FRMPD4: variants seen among roughly 807,000 people sequenced by gnomAD.
The protein encoded by FRMPD4 is FERM and PDZ domain containing 4.
In FRMPD4, 22 loss-of-function variants were observed where a neutral mutation model predicts 94.1. The observed-to-expected ratio is 0.23, with a 90% CI of 0.17 to 0.33. The LOEUF (loss-of-function observed/expected upper bound fraction) is 0.33. FRMPD4 is among the 10% of genes least tolerant of loss of function. The probability of loss-of-function intolerance (pLI) is 1.00; values close to 1 mark genes in which losing one functional copy is unlikely to be tolerated. For synonymous variants in FRMPD4, 631 were observed against 548.6 expected (o/e 1.15, Z -2.10); for missense variants, 1,111 against 1,339.9 (o/e 0.83, Z 2.67).
chrX:12,144,257 A>G (rs997156700), intron 1 of FRMPD4, among the ~76,000 whole-genome samples: 2 of 112,230 alleles, frequency 1.8e-5, no homozygotes, highest in Non-Finnish European at 3.8e-5. Flanking sequence ...TAACTTTCCT[A>G]TGATTTGACT....
chrX:12,118,346 C>T (rs1195672897), intron 3 of FRMPD4, among the ~76,000 whole-genome samples: 2 of 110,533 alleles, frequency 1.8e-5, no homozygotes, highest in African/African-American at 6.6e-5. Context: ...TTTAAAAGTG[C>T]CTAGAAGTAT....
chrX:11,987,097 T>TGAAAAAAAAAA (rs1569137639), intron 3 of FRMPD4, among the ~76,000 whole-genome samples: 3 of 14,642 alleles, frequency 2.0e-4, no homozygotes, highest in Non-Finnish European at 3.2e-4. Context: ...CAAAGACACA[T>TGAAAAAAAAAA]TAAAAAAAAA....
At chrX:12,362,999 G>A (rs1371007934) in intron 1 of FRMPD4, among the ~76,000 whole-genome samples, 1 of 112,454 alleles carries the variant, frequency 8.9e-6, no homozygotes, top group Non-Finnish European at 1.9e-5. Flanking sequence ...CTGCATAAAT[G>A]TCTTCTTTTG....
intron 1 of FRMPD4, among the ~76,000 whole-genome samples, chrX:12,341,093 T>C (rs1187655723): frequency 8.9e-6 from 1 of 112,140 alleles, no homozygotes; most frequent in Non-Finnish European, 1.9e-5. Context: ...CTTTTTGTTT[T>C]CAAGTCAGTT....
At chrX:12,453,147 T>G (rs184759313) in intron 1 of FRMPD4, among the ~76,000 whole-genome samples, 123 of 112,282 alleles carry the variant, frequency 1.1e-3, no homozygotes, top group African/African-American at 3.7e-3. Flanking sequence ...TTTTAAGGTG[T>G]TGTGTTTATC....
chrX:12,481,647 A>G (rs73438725), intron 1 of FRMPD4, among the ~76,000 whole-genome samples: 1 of 110,254 alleles, frequency 9.1e-6, no homozygotes, highest in East Asian at 2.8e-4. Context: ...TAGAGAAAAG[A>G]AAGTGTTATT....
Position 12,640,193 on chromosome X carries a change from G to A in FRMPD4, c.422+25312G>A, listed in dbSNP as rs1453962017. On this transcript the variant is annotated intron_variant, in intron 4 of 16. Coordinates refer to ENST00000675598, the MANE Select transcript of FRMPD4 (RefSeq NM_001368397.1). ...TCACGCCTGTAATCCCAGCTACTCC[G>A]GAGGCTGAGGCACGAGAATTGCTTG... Among the ~76,000 whole-genome samples the A allele has an allele frequency of 4.7e-5, 5 of 106,320 alleles. No homozygotes were observed. In the East Asian group the frequency reaches 8.8e-4, roughly 19 times the overall value. 92.3% of individuals were successfully genotyped at this position (106,320 alleles called of 115,157 possible).
chrX:12,611,300 A>C (rs112293144), intron 3 of FRMPD4, among the ~76,000 whole-genome samples: 2,408 of 112,310 alleles, frequency 0.021, 69 homozygotes, highest in African/African-American at 0.074. Context: ...GGATTTTGCA[A>C]ATCAGTAACA....
intron 1 of FRMPD4, among the ~76,000 whole-genome samples, chrX:12,330,725 C>A (rs2055358228): frequency 9.0e-6 from 1 of 111,308 alleles, no homozygotes; most frequent in African/African-American, 3.3e-5. Flanking sequence ...CCCTTCTTAA[C>A]TGATGCTTGG....
chrX:11,871,445 C>T (rs1238824357), intron 2 of FRMPD4, among the ~76,000 whole-genome samples: 1 of 112,179 alleles, frequency 8.9e-6, no homozygotes, highest in Non-Finnish European at 1.9e-5. Context: ...ACCAGGGTGG[C>T]CACATTTGAT....
At chrX:12,594,702 T>G (rs1264509384) in intron 2 of FRMPD4, among the ~76,000 whole-genome samples, 2 of 111,528 alleles carry the variant, frequency 1.8e-5, no homozygotes, top group Admixed American at 9.5e-5. Flanking sequence ...CCCAAAGTGC[T>G]GGGATTACAA....
At chrX:12,533,826 G>A (rs1034901189) in intron 2 of FRMPD4, among the ~76,000 whole-genome samples, 1 of 112,272 alleles carries the variant, frequency 8.9e-6, no homozygotes, top group Non-Finnish European at 1.9e-5. Flanking sequence ...GGGAAGCAGA[G>A]CATAAAAGTT....
intron 1 of FRMPD4, among the ~76,000 whole-genome samples, chrX:11,862,628 G>A (rs756854936): frequency 9.0e-6 from 1 of 110,761 alleles, no homozygotes; most frequent in South Asian, 3.9e-4. Flanking sequence ...GACTGAGCAT[G>A]ATGGGGATAC....
chrX:12,451,733 C>CGT (rs72300557), intron 1 of FRMPD4, among the ~76,000 whole-genome samples: 10,940 of 98,688 alleles, frequency 0.11, 516 homozygotes, highest in African/African-American at 0.15. Context: ...TGTGTATGCC[C>CGT]GTGTGTGTGT....
intron 1 of FRMPD4, among the ~76,000 whole-genome samples, chrX:12,339,857 C>T (rs773616185): frequency 1.5e-4 from 17 of 111,898 alleles, no homozygotes; most frequent in African/African-American, 3.9e-4. Context: ...CCTCATGATC[C>T]GCCCACCTCG....
intron 5 of FRMPD4, among the ~76,000 whole-genome samples, chrX:12,677,717 T>A (rs1177236242): frequency 8.9e-6 from 1 of 111,884 alleles, no homozygotes; most frequent in Non-Finnish European, 1.9e-5. Flanking sequence ...CCAATGTTTA[T>A]ACCTTCCGGC....
At position 12,522,558 on chromosome X, in the gene FRMPD4, A is replaced by G. The variant is rs1290001940; in HGVS notation, c.158+23762A>G. ...AATTTATAAACTCCAGAACTTTATTATAGTGATTGCTTTAATGGCAATTGA... is the reference window on the plus strand; with the variant it reads ...AATTTATAAACTCCAGAACTTTATTGTAGTGATTGCTTTAATGGCAATTGA... On this transcript the variant is annotated intron_variant, in intron 2 of 16. Transcript: ENST00000675598. Among the ~76,000 whole-genome samples, 5 of 103,355 alleles carry G rather than the reference A, an allele frequency of 4.8e-5. No homozygotes were observed. The East Asian group carries it at 1.5e-3, about 32-fold the overall frequency. 89.8% of individuals were successfully genotyped at this position (103,355 alleles called of 115,157 possible).
chrX:12,167,936 G>A (rs1443284192), intron 1 of FRMPD4, among the ~76,000 whole-genome samples: 1 of 111,173 alleles, frequency 9.0e-6, no homozygotes, highest in Non-Finnish European at 1.9e-5. Flanking sequence ...AGGAGTAGGG[G>A]TTGGGGTAAG....
intron 1 of FRMPD4, among the ~76,000 whole-genome samples, chrX:12,251,933 A>G (rs1421562249): frequency 8.9e-6 from 1 of 112,410 alleles, no homozygotes; most frequent in African/African-American, 3.2e-5. Context: ...TGTGAAGTAG[A>G]GGAAAAATGG....
Sources: gnomAD v4.1 joint callset for allele counts (sites outside exome capture counted in the v4.1 genomes callset) on GRCh38, gnomAD v4.1.1 for gene constraint, MANE v1.5 for transcripts, NCBI Gene and HGNC (gene_info 2026-07-23, HGNC 2026-07-21) for gene names.